Variants in NDUFA5 observed in about 807,000 individuals in gnomAD.
NDUFA5 encodes the protein NADH dehydrogenase [ubiquinone] 1 alpha subcomplex subunit 5.
Under a neutral mutation model 19.8 loss-of-function variants are expected in NDUFA5, and 11 were observed. The observed-to-expected ratio is 0.56, with a 90% CI of 0.35 to 0.92. The LOEUF (loss-of-function observed/expected upper bound fraction) is 0.92. NDUFA5 is among the 40% of genes least tolerant of loss of function. The pLI is 0.01. For synonymous variants in NDUFA5, 47 were observed against 46.8 expected (o/e 1.00, Z -0.01); for missense variants, 109 against 134.2 (o/e 0.81, Z 0.93).
chr7:123,564,690 C>T, the NDUFA5 span, among the ~76,000 whole-genome samples: 103 of 151,546 alleles, frequency 6.8e-4, no homozygotes, highest in African/African-American at 2.4e-3. Context: ...TTTTGACTTA[C>T]GATTTTTTGA....
chr7:123,552,295 A>G (rs753766609), intron 2 of NDUFA5, among the ~76,000 whole-genome samples: 3 of 152,196 alleles, frequency 2.0e-5, no homozygotes, highest in Non-Finnish European at 4.4e-5. Context: ...AACATGGAAT[A>G]CTATGCAGCC....
At chr7:123,576,177 T>C in the NDUFA5 span, among the ~76,000 whole-genome samples, 3 of 151,702 alleles carry the variant, frequency 2.0e-5, no homozygotes, top group Non-Finnish European at 2.9e-5. Context: ...TTTTTTATGG[T>C]CCTGTAATCC....
chr7:123,557,847 C>G (rs1035835959), upstream of NDUFA5: 1 of 1,609,284 alleles, frequency 6.2e-7, no homozygotes, highest in Admixed American at 1.7e-5. Context: ...AATTCTCAGA[C>G]CTGCTCAATC....
chr7:123,544,835 G>A (rs1798073160), intron 4 of NDUFA5, among the ~76,000 whole-genome samples: 1 of 143,846 alleles, frequency 7.0e-6, no homozygotes, highest in African/African-American at 2.6e-5. Context: ...ACCAACTACG[G>A]AATACTCAAA....
chr7:123,578,801 T>G, the NDUFA5 span, among the ~76,000 whole-genome samples: 2 of 152,130 alleles, frequency 1.3e-5, no homozygotes, highest in African/African-American at 2.4e-5. Context: ...TTAAACTATT[T>G]TATAAAGTCT....
the NDUFA5 span, among the ~76,000 whole-genome samples, chr7:123,571,305 T>C: frequency 1.3e-5 from 2 of 152,256 alleles, no homozygotes; most frequent in Admixed American, 6.5e-5. Context: ...TTCGTTGTAC[T>C]GTGGTTTTTA....
upstream of NDUFA5, among the ~76,000 whole-genome samples, chr7:123,561,157 T>C (rs1355025922): frequency 6.6e-6 from 1 of 152,222 alleles, no homozygotes; most frequent in African/African-American, 2.4e-5. Context: ...AGCTTCCTTT[T>C]TGCAGAAATT....
At chr7:123,583,445 T>C in the NDUFA5 span, among the ~76,000 whole-genome samples, 1 of 151,946 alleles carries the variant, frequency 6.6e-6, no homozygotes. Context: ...AATACACTCT[T>C]TACCTCAACA....
At chr7:123,587,056 T>C in the NDUFA5 span, among the ~76,000 whole-genome samples, 4 of 151,704 alleles carry the variant, frequency 2.6e-5, no homozygotes, top group Admixed American at 6.6e-5. Flanking sequence ...TTTAAGGTCT[T>C]TTTTGGTTCC....
chr7:123,598,933 A>T, the NDUFA5 span: 1 of 152,156 alleles, frequency 6.6e-6, no homozygotes, highest in East Asian at 1.9e-4. Flanking sequence ...CAGTTGTTTG[A>T]TTTTCAGTCT....
At chr7:123,586,164 A>G in the NDUFA5 span, among the ~76,000 whole-genome samples, 3 of 151,862 alleles carry the variant, frequency 2.0e-5, no homozygotes, top group Admixed American at 6.6e-5. Context: ...ACTGTTTTCC[A>G]TAATGGCTGT....
At chr7:123,551,743 C>T (rs1268596709) in intron 2 of NDUFA5, among the ~76,000 whole-genome samples, 2 of 152,098 alleles carry the variant, frequency 1.3e-5, no homozygotes, top group Non-Finnish European at 1.5e-5. Flanking sequence ...CAATGCATAG[C>T]ATGTACTGAA....
the NDUFA5 span, among the ~76,000 whole-genome samples, chr7:123,572,385 C>T: frequency 4.0e-5 from 6 of 151,508 alleles, no homozygotes; most frequent in Non-Finnish European, 8.8e-5. Context: ...ATGATCCGCC[C>T]GCCTCAGCCT....
the NDUFA5 span, among the ~76,000 whole-genome samples, chr7:123,564,263 GC>G: frequency 6.6e-6 from 1 of 152,062 alleles, no homozygotes; most frequent in Non-Finnish European, 1.5e-5. Flanking sequence ...GTGTAATATG[GC>G]ACCACCTACT....
intron 3 of NDUFA5, among the ~76,000 whole-genome samples, chr7:123,549,315 C>T: frequency 6.6e-6 from 1 of 152,146 alleles, no homozygotes; most frequent in African/African-American, 2.4e-5. Context: ...GATTTTGGAA[C>T]CAGTAAGTAA....
At chr7:123,557,578 C>T in intron 1 of NDUFA5, 130 bp from the exon 2 acceptor site, 1 of 1,612,558 alleles carries the variant, frequency 6.2e-7, no homozygotes, top group Non-Finnish European at 8.5e-7. Context: ...CTCTCAGTCT[C>T]GCTTGTTTGG....
At chr7:123,561,063 T>C (rs1419972973), upstream of NDUFA5, among the ~76,000 whole-genome samples, 2 of 152,380 alleles carry the variant, frequency 1.3e-5, no homozygotes, top group Non-Finnish European at 2.9e-5. Flanking sequence ...AGACATTTCT[T>C]ATTTAATGAT....
At chr7:123,557,605 C>T (rs543125892) in intron 1 of NDUFA5, 157 bp from the exon 2 acceptor site, 1 of 1,613,354 alleles carries the variant, frequency 6.2e-7, no homozygotes. Flanking sequence ...TTTCCTGACT[C>T]TCGGAGCGGA....
At chr7:123,577,462 C>T in the NDUFA5 span, among the ~76,000 whole-genome samples, 1 of 152,092 alleles carries the variant, frequency 6.6e-6, no homozygotes, top group Non-Finnish European at 1.5e-5. Context: ...CTGAACACAT[C>T]ACAATGACAT....
Sources: allele counts gnomAD v4.1 joint callset (sites outside exome capture counted in the v4.1 genomes callset), GRCh38; gene constraint gnomAD v4.1.1; transcripts MANE v1.5; gene names NCBI Gene and HGNC (gene_info 2026-07-23, HGNC 2026-07-21).